The following NQO1 variants were observed in gnomAD, a reference collection of about 807,000 sequenced individuals.
The protein encoded by NQO1 is NAD(P)H dehydrogenase [quinone] 1.
A neutral mutation model predicts 32.1 loss-of-function variants in NQO1; 30 were observed. The ratio of observed to expected loss-of-function variants is 0.94; its 90% CI spans 0.70 to 1.27. NQO1 has a LOEUF of 1.27. Ranked by LOEUF, NQO1 falls within the 50% of genes most tolerant of loss-of-function variation. NQO1 has a pLI of 0.00. For missense variants in NQO1, 276 were observed against 331.3 expected (o/e 0.83, Z 1.30); for synonymous variants, 109 against 119.7 (o/e 0.91, Z 0.59).
chr16:69,717,455 TGA>T (rs1260015681), intron 3 of NQO1, among the ~76,000 whole-genome samples: 10 of 152,162 alleles, frequency 6.6e-5, no homozygotes, highest in African/African-American at 2.4e-4. Flanking sequence ...CTGCAAATTT[TGA>T]GAGAGTCCAA....
Position 69,709,839 on chromosome 16 carries a change from G to A in NQO1, c.*1137C>T. On this transcript the variant is annotated 3_prime_UTR_variant, in exon 6 of 6. Transcript: ENST00000320623. ...TTACAATTGTACCCCAAGGTCATGG[G>A]ACTGGACCCCATCCCATAGTAAGTC... The A allele has an allele frequency of 2.5e-6, 1 of 398,578 alleles. No homozygotes were observed. Among genetic ancestry groups the A allele is most frequent in the Non-Finnish European group, 4.4e-6 (1 of 226,074 alleles). 24.7% of individuals were successfully genotyped at this position (398,578 alleles called of 1,614,324 possible). A position where few individuals can be genotyped will look rare whatever the true frequency, so the allele number is the denominator to read the frequency against.
At chr16:69,720,774 CTTTTATAT>C (rs1384581106) in intron 1 of NQO1, among the ~76,000 whole-genome samples, 1 of 152,146 alleles carries the variant, frequency 6.6e-6, no homozygotes, top group Non-Finnish European at 1.5e-5. Context: ...AAATGGGCCT[CTTTTATAT>C]TAACAAGGTT....
intron 1 of NQO1, among the ~76,000 whole-genome samples, chr16:69,720,840 C>A (rs899849140): frequency 5.3e-5 from 8 of 151,888 alleles, no homozygotes; most frequent in African/African-American, 1.7e-4. Flanking sequence ...TTAGTGGATC[C>A]TTAGTGCTAG....
intron 1 of NQO1, among the ~76,000 whole-genome samples, chr16:69,723,569 G>A (rs1388833025): frequency 1.3e-5 from 2 of 151,868 alleles, no homozygotes; most frequent in African/African-American, 4.8e-5. Flanking sequence ...AGGCTGAGGC[G>A]GGCAGATCAC....
intron 3 of NQO1, among the ~76,000 whole-genome samples, chr16:69,717,770 G>A (rs1333537423): frequency 3.3e-5 from 5 of 152,134 alleles, no homozygotes; most frequent in Middle Eastern, 3.4e-3. Flanking sequence ...ATGCCACCAC[G>A]CCCAGCTAAT....
intron 3 of NQO1, among the ~76,000 whole-genome samples, chr16:69,715,499 G>A (rs376215976): frequency 5.3e-5 from 8 of 152,374 alleles, no homozygotes; most frequent in African/African-American, 1.9e-4. Context: ...CAGGCGCAGT[G>A]GCTCAAGCCT....
At chr16:69,725,034 C>T (rs2038242457) in intron 1 of NQO1, among the ~76,000 whole-genome samples, 1 of 152,130 alleles carries the variant, frequency 6.6e-6, no homozygotes, top group Non-Finnish European at 1.5e-5. Flanking sequence ...GAGAGGGTGC[C>T]AGTGCCTCGA....
intron 1 of NQO1, among the ~76,000 whole-genome samples, chr16:69,722,142 C>T (rs1349175337): frequency 7.3e-6 from 1 of 136,232 alleles, no homozygotes; most frequent in African/African-American, 2.8e-5. Flanking sequence ...GGAGAGAAGG[C>T]ATCTGCAACT....
intron 1 of NQO1, among the ~76,000 whole-genome samples, chr16:69,725,799 G>A (rs1398930592): frequency 2.6e-5 from 4 of 152,218 alleles, no homozygotes; most frequent in Non-Finnish European, 5.9e-5. Context: ...GCTTGAACCC[G>A]GGAGGCGGAA....
chr16:69,711,131 C>T lies in NQO1; in HGVS notation c.670G>A (p.Ala224Thr), dbSNP rs1322135467. The change falls in exon 6 of 6, where the codon GCT becomes ACT. Residue 224 changes from alanine (A) to threonine (T), a missense_variant. Physicochemically the swap from Ala to Thr is moderately conservative, Grantham distance 58. Transcript: ENST00000320623. ...TTTAGGTCAAAGAGGCTGCTTGGAG[C>T]AAAATACAGTGGTGTCTCATCCCAA... ...NIWDETPLYF[A>T]PSSLFDLNFQ... 1 of 1,614,148 alleles carries T rather than the reference C, an allele frequency of 6.2e-7. No homozygotes were observed. The highest frequency in any genetic ancestry group is 1.1e-5 in the South Asian group (1 of 91,078).
intron 3 of NQO1, 172 bp downstream of exon 3, chr16:69,717,951 T>A: frequency 2.0e-6 from 2 of 994,950 alleles, no homozygotes; most frequent in South Asian, 3.2e-5. Flanking sequence ...TACAGCCAGA[T>A]TCCCAATATC....
chr16:69,720,446 A>C (rs549711867), intron 1 of NQO1, among the ~76,000 whole-genome samples: 29 of 150,630 alleles, frequency 1.9e-4, no homozygotes, highest in Admixed American at 4.0e-4. Flanking sequence ...AGAAAATACA[A>C]AAAAAAAAGA....
At chr16:69,724,430 A>T (rs1253885979) in intron 1 of NQO1, among the ~76,000 whole-genome samples, 2 of 151,892 alleles carry the variant, frequency 1.3e-5, no homozygotes, top group African/African-American at 4.8e-5. Flanking sequence ...GGCCTCAAGC[A>T]GTCCTCCCGC....
intron 3 of NQO1, among the ~76,000 whole-genome samples, chr16:69,717,162 C>G (rs7186002): frequency 0.24 from 35,805 of 151,354 alleles, 4,582 homozygotes; most frequent in East Asian, 0.45. Flanking sequence ...CATATACATT[C>G]TATGTTCAAT....
Position 69,709,589 on chromosome 16 carries a change from T to C in NQO1, c.*1387A>G. 2.5e-6 allele frequency: 1 copy of C among 392,314 alleles called. No individual in the cohort carries two copies. Among genetic ancestry groups the C allele is most frequent in the Non-Finnish European group, 4.5e-6 (1 of 222,570 alleles). The allele number at this position is 392,314 out of a possible 1,614,324, so 24.3% of individuals were successfully genotyped here. A position where few individuals can be genotyped will look rare whatever the true frequency, so the allele number is the denominator to read the frequency against. The stretch of plus-strand genomic sequence containing the variant: ...CATCTGGTAAAGGAGGTTTTCCAGC[T>C]CGGTCCAATCCCTTCATTTTCTTGG... On this transcript the variant is annotated 3_prime_UTR_variant, in exon 6 of 6. Transcript: ENST00000320623.
At chr16:69,716,439 C>A (rs1361301162) in intron 3 of NQO1, among the ~76,000 whole-genome samples, 1 of 151,124 alleles carries the variant, frequency 6.6e-6, no homozygotes, top group Non-Finnish European at 1.5e-5. Flanking sequence ...TTGCAGTGAG[C>A]CGAGATTGCA....
intron 1 of NQO1, 68 bp from the exon 2 acceptor site, chr16:69,718,602 G>A (rs780332527): frequency 4.5e-6 from 7 of 1,550,210 alleles, no homozygotes; most frequent in Non-Finnish European, 3.5e-6. Flanking sequence ...AGCTACAGGG[G>A]AGTTGCAGTC....
At chr16:69,718,760 C>T (rs538869492) in intron 1 of NQO1, among the ~76,000 whole-genome samples, 85 of 152,264 alleles carry the variant, frequency 5.6e-4, no homozygotes, top group Non-Finnish European at 9.8e-4. Flanking sequence ...GACAACTGGG[C>T]TCTGTGGCTC....
Position 69,710,707 on chromosome 16 carries a change from T to TCTCGGTGGAC in NQO1, c.*268_*269insGTCCACCGAG. On this transcript the variant is annotated 3_prime_UTR_variant, in exon 6 of 6. Transcript: ENST00000320623. Reference sequence around the variant, plus strand: ...AAAAAGAGGAATTAAATTGTGTAGATGCCTTTAAAGAACATTTTTCTAGCA... The same window carrying TCTCGGTGGAC: ...AAAAAGAGGAATTAAATTGTGTAGATCTCGGTGGACGCCTTTAAAGAACATTTTTCTAGCA... The TCTCGGTGGAC allele has an allele frequency of 2.3e-6, 1 of 436,306 alleles. No homozygotes were observed. Among genetic ancestry groups the TCTCGGTGGAC allele is most frequent in the Non-Finnish European group, 4.1e-6 (1 of 244,536 alleles). The allele number at this position is 436,306 out of a possible 1,614,324, so 27.0% of individuals were successfully genotyped here. A position where few individuals can be genotyped will look rare whatever the true frequency, so the allele number is the denominator to read the frequency against.
Sources: gnomAD v4.1 joint callset for allele counts (sites outside exome capture counted in the v4.1 genomes callset) on GRCh38, gnomAD v4.1.1 for gene constraint, MANE v1.5 for transcripts, NCBI Gene and HGNC (gene_info 2026-07-23, HGNC 2026-07-21) for gene names.